Variants in ATG10 observed in about 807,000 individuals in gnomAD.
ATG10 encodes the protein ubiquitin-like-conjugating enzyme ATG10.
In ATG10, 30 loss-of-function variants were observed where a neutral mutation model predicts 32.1. The ratio of observed to expected loss-of-function variants is 0.94; its 90% confidence interval spans 0.70 to 1.27. The LOEUF is 1.27. Ranked by LOEUF, ATG10 falls within the 50% of genes most tolerant of loss-of-function variation. ATG10 has a pLI of 0.00. For synonymous variants in ATG10, 87 were observed against 91.5 expected, an observed-to-expected ratio of 0.95 and a Z score of 0.28; for missense variants, 233 against 262.3, an observed-to-expected ratio of 0.89 and a Z score of 0.77.
intron 2 of ATG10, among the ~76,000 whole-genome samples, chr5:82,049,493 A>G (rs1225217619): frequency 2.0e-5 from 3 of 152,040 alleles, no homozygotes; most frequent in Non-Finnish European, 4.4e-5. Context: ...TGGCACATGT[A>G]TGCATATGTA....
intron 2 of ATG10, among the ~76,000 whole-genome samples, chr5:82,049,829 G>A (rs576818920): frequency 1.3e-5 from 2 of 152,196 alleles, no homozygotes; most frequent in Admixed American, 6.5e-5. Context: ...TTATCACAGA[G>A]TGAAAGGAAA....
At chr5:82,214,356 C>T (rs185054545) in intron 5 of ATG10, among the ~76,000 whole-genome samples, 128 of 152,254 alleles carry the variant, frequency 8.4e-4, no homozygotes, top group African/African-American at 2.6e-3. Context: ...CAAAAAAATA[C>T]GCCTTGTAAT....
At chr5:82,110,603 G>T (rs1765587491) in intron 3 of ATG10, among the ~76,000 whole-genome samples, 1 of 152,094 alleles carries the variant, frequency 6.6e-6, no homozygotes. Context: ...GTCTTCTTTT[G>T]AGAAATGTCT....
chr5:82,242,339 G>A (rs1746839242), intron 5 of ATG10, among the ~76,000 whole-genome samples: 2 of 152,014 alleles, frequency 1.3e-5, no homozygotes, highest in South Asian at 4.1e-4. Flanking sequence ...CAAAAAACAA[G>A]AAAGAAATAG....
chr5:82,176,980 T>TA (rs1246696281), intron 4 of ATG10, among the ~76,000 whole-genome samples: 1 of 152,202 alleles, frequency 6.6e-6, no homozygotes. Context: ...CTGCTTATAA[T>TA]ATTAGTATGG....
intron 5 of ATG10, among the ~76,000 whole-genome samples, chr5:82,206,140 A>T (rs1745283208): frequency 6.6e-6 from 1 of 152,170 alleles, no homozygotes; most frequent in South Asian, 2.1e-4. Context: ...TGCTATGCTG[A>T]CATGGAAGTC....
At chr5:82,010,506 T>C (rs1762099900) in intron 2 of ATG10, among the ~76,000 whole-genome samples, 1 of 152,214 alleles carries the variant, frequency 6.6e-6, no homozygotes, top group African/African-American at 2.4e-5. Flanking sequence ...TGAATGGGGC[T>C]TTAATTAATT....
chr5:82,041,441 C>T (rs775270398), intron 2 of ATG10, among the ~76,000 whole-genome samples: 2 of 152,048 alleles, frequency 1.3e-5, no homozygotes, highest in Non-Finnish European at 2.9e-5. Flanking sequence ...GACATATTTA[C>T]CTCTTGTCAA....
At chr5:82,190,770 T>A (rs1350479345) in intron 5 of ATG10, among the ~76,000 whole-genome samples, 1 of 53,150 alleles carries the variant, frequency 1.9e-5, no homozygotes, top group East Asian at 5.8e-4. Flanking sequence ...TGAGACTCCA[T>A]CTCAAAAAAA....
At chr5:82,230,543 C>G (rs1746319766) in intron 5 of ATG10, among the ~76,000 whole-genome samples, 1 of 151,790 alleles carries the variant, frequency 6.6e-6, no homozygotes, top group African/African-American at 2.4e-5. Context: ...ACCATCCTGG[C>G]TAACATGGTG....
intron 3 of ATG10, among the ~76,000 whole-genome samples, chr5:82,145,999 G>A (rs1199937733): frequency 1.3e-5 from 2 of 152,220 alleles, no homozygotes; most frequent in East Asian, 1.9e-4. Flanking sequence ...GAGCCACCGC[G>A]CCTGGCCAAA....
intron 5 of ATG10, among the ~76,000 whole-genome samples, chr5:82,214,780 C>G (rs904149662): frequency 2.0e-5 from 3 of 152,120 alleles, no homozygotes; most frequent in Admixed American, 6.5e-5. Flanking sequence ...CTCATTGAGA[C>G]TCCCATGGGG....
chr5:81,981,242 CT>C (rs1761040418), intron 1 of ATG10, among the ~76,000 whole-genome samples: 2 of 152,306 alleles, frequency 1.3e-5, no homozygotes, highest in South Asian at 4.2e-4. Context: ...TCATGCTAAT[CT>C]TTTAGCATGA....
intron 3 of ATG10, among the ~76,000 whole-genome samples, chr5:82,090,062 T>TA (rs34443592): frequency 0.36 from 51,819 of 143,974 alleles, 10,073 homozygotes; most frequent in East Asian, 0.76. Context: ...CCAAATGCCT[T>TA]AAAAAAAAAA....
At chr5:82,043,211 G>T (rs987776166) in intron 2 of ATG10, among the ~76,000 whole-genome samples, 8 of 152,216 alleles carry the variant, frequency 5.3e-5, no homozygotes, top group Non-Finnish European at 1.2e-4. Context: ...CATGGAAGCT[G>T]CCAAGGCTTG....
At chr5:82,167,190 C>G (rs1040221053) in intron 4 of ATG10, among the ~76,000 whole-genome samples, 2 of 152,140 alleles carry the variant, frequency 1.3e-5, no homozygotes, top group Non-Finnish European at 2.9e-5. Flanking sequence ...CATGTCATGT[C>G]ATGTCATATC....
intron 5 of ATG10, among the ~76,000 whole-genome samples, chr5:82,189,601 G>A (rs1319785148): frequency 6.6e-6 from 1 of 152,042 alleles, no homozygotes; most frequent in Non-Finnish European, 1.5e-5. Flanking sequence ...TAAGTGTTTT[G>A]AAATGTTTTT....
chr5:82,039,126 A>G (rs1194708965), intron 2 of ATG10, among the ~76,000 whole-genome samples: 1 of 152,208 alleles, frequency 6.6e-6, no homozygotes, highest in Non-Finnish European at 1.5e-5. Flanking sequence ...GATTACAGGC[A>G]TGAGCCACCG....
intron 3 of ATG10, among the ~76,000 whole-genome samples, chr5:82,069,386 A>G (rs1764050325): frequency 1.3e-5 from 2 of 152,206 alleles, no homozygotes; most frequent in Non-Finnish European, 2.9e-5. Context: ...AATGGCTTAT[A>G]TAGCCCCTGA....
Sources: allele counts gnomAD v4.1 joint callset (sites outside exome capture counted in the v4.1 genomes callset), GRCh38; gene constraint gnomAD v4.1.1; transcripts MANE v1.5; gene names NCBI Gene and HGNC (gene_info 2026-07-23, HGNC 2026-07-21).